Variants in EPHA6 observed in about 807,000 individuals in gnomAD.
EPHA6 encodes the protein EPH receptor A6, also known as ephrin type-A receptor 6.
In EPHA6, 50 loss-of-function variants were observed where a neutral mutation model predicts 112.0. That is an observed-to-expected ratio of 0.45 (90% confidence interval 0.36 to 0.56). The LOEUF (loss-of-function observed/expected upper bound fraction) is 0.56. Among genes scored for constraint, EPHA6 ranks in the 20% least tolerant of loss-of-function variants. EPHA6 has a pLI of 0.00. For missense variants in EPHA6, 1,280 were observed against 1,417.4 expected, an observed-to-expected ratio of 0.90 and a Z score of 1.56; for synonymous variants, 529 against 490.7, an observed-to-expected ratio of 1.08 and a Z score of -1.03.
intron 7 of EPHA6, among the ~76,000 whole-genome samples, chr3:97,450,921 G>GAC (rs1275695817): frequency 4.6e-5 from 7 of 152,048 alleles, no homozygotes; most frequent in African/African-American, 1.7e-4. Context: ...TAGTGAAGAT[G>GAC]ACTACTACTT....
chr3:97,664,197 G>C (rs1286577633), intron 14 of EPHA6, among the ~76,000 whole-genome samples: 1 of 152,084 alleles, frequency 6.6e-6, no homozygotes, highest in Non-Finnish European at 1.5e-5. Flanking sequence ...TTTTTTTCTT[G>C]TAAATTTGTT....
intron 5 of EPHA6, among the ~76,000 whole-genome samples, chr3:97,398,322 C>T (rs1259816277): frequency 6.6e-6 from 1 of 151,238 alleles, no homozygotes; most frequent in Non-Finnish European, 1.5e-5. Flanking sequence ...TTAAATCAAC[C>T]TCTAATTTAT....
chr3:97,298,235 A>G (rs9871518), intron 5 of EPHA6, among the ~76,000 whole-genome samples: 4,082 of 152,258 alleles, frequency 0.027, 189 homozygotes, highest in African/African-American at 0.092. Flanking sequence ...TTTCCCCAGA[A>G]TGGGAATTTC....
At chr3:97,431,363 G>A (rs2107233510) in intron 6 of EPHA6, among the ~76,000 whole-genome samples, 1 of 152,170 alleles carries the variant, frequency 6.6e-6, no homozygotes, top group African/African-American at 2.4e-5. Flanking sequence ...ATGAGAGAAT[G>A]TAAAATTTTA....
At chr3:97,406,015 A>G (rs1311718266) in intron 6 of EPHA6, among the ~76,000 whole-genome samples, 1 of 152,140 alleles carries the variant, frequency 6.6e-6, no homozygotes, top group Non-Finnish European at 1.5e-5. Flanking sequence ...TATTGTCTTA[A>G]TACTACTTCT....
At chr3:96,900,603 G>T (rs1279760910) in intron 2 of EPHA6, among the ~76,000 whole-genome samples, 1 of 152,166 alleles carries the variant, frequency 6.6e-6, no homozygotes, top group African/African-American at 2.4e-5. Flanking sequence ...AGAGAATACG[G>T]CTGTGACAGC....
intron 11 of EPHA6, among the ~76,000 whole-genome samples, chr3:97,549,529 A>G (rs2093001466): frequency 6.6e-6 from 1 of 152,230 alleles, no homozygotes; most frequent in Non-Finnish European, 1.5e-5. Context: ...AAACTTGAAG[A>G]AGGGCCTATA....
chr3:97,717,783 T>C (rs1289091036), intron 14 of EPHA6, among the ~76,000 whole-genome samples: 1 of 152,112 alleles, frequency 6.6e-6, no homozygotes, highest in East Asian at 1.9e-4. Context: ...ACCTTCCCCT[T>C]ACAGAAAAAA....
At chr3:97,078,546 T>G (rs1467497899) in intron 3 of EPHA6, among the ~76,000 whole-genome samples, 1 of 152,210 alleles carries the variant, frequency 6.6e-6, no homozygotes, top group Non-Finnish European at 1.5e-5. Context: ...TGTAAGTCTT[T>G]AATCCATCTT....
chr3:97,095,508 C>T (rs1175037820), intron 3 of EPHA6, among the ~76,000 whole-genome samples: 2 of 151,942 alleles, frequency 1.3e-5, no homozygotes, highest in Non-Finnish European at 2.9e-5. Context: ...CCTTCCTTTT[C>T]AAAATTATGT....
intron 14 of EPHA6, among the ~76,000 whole-genome samples, chr3:97,700,407 G>A (rs1487580980): frequency 6.6e-6 from 1 of 152,202 alleles, no homozygotes; most frequent in East Asian, 1.9e-4. Context: ...AAGTCCAGAA[G>A]TGGTAGAAGT....
intron 3 of EPHA6, among the ~76,000 whole-genome samples, chr3:97,091,151 A>T (rs1383938253): frequency 6.6e-6 from 1 of 152,092 alleles, no homozygotes; most frequent in Non-Finnish European, 1.5e-5. Context: ...ACGTTATGTG[A>T]TTTCCCATCC....
chr3:96,885,054 C>T (rs1235050181), intron 2 of EPHA6, among the ~76,000 whole-genome samples: 1 of 152,126 alleles, frequency 6.6e-6, no homozygotes, highest in African/African-American at 2.4e-5. Context: ...TAAACCATCC[C>T]TCCACCACTG....
chr3:97,473,552 C>T (rs924107811), intron 7 of EPHA6, among the ~76,000 whole-genome samples: 3 of 151,696 alleles, frequency 2.0e-5, no homozygotes, highest in African/African-American at 4.8e-5. Flanking sequence ...ACTATATGCC[C>T]CTGATTCAAA....
intron 5 of EPHA6, among the ~76,000 whole-genome samples, chr3:97,319,356 A>G (rs536423031): frequency 1.4e-4 from 22 of 151,760 alleles, no homozygotes; most frequent in Middle Eastern, 3.4e-3. Flanking sequence ...AATTGTGTAT[A>G]CTACCTTACT....
At chr3:97,488,586 A>G (rs1394590097) in intron 10 of EPHA6, among the ~76,000 whole-genome samples, 2 of 152,120 alleles carry the variant, frequency 1.3e-5, no homozygotes, top group Non-Finnish European at 2.9e-5. Flanking sequence ...TGTCTTTTAC[A>G]CTTGTGTTAT....
chr3:96,894,760 G>A (rs1277690858), intron 2 of EPHA6, among the ~76,000 whole-genome samples: 3 of 152,078 alleles, frequency 2.0e-5, no homozygotes, highest in Admixed American at 6.6e-5. Context: ...CTTATAGGTG[G>A]TTCCTGAGAA....
At chr3:97,274,322 C>T (rs1444587677) in intron 5 of EPHA6, among the ~76,000 whole-genome samples, 1 of 152,158 alleles carries the variant, frequency 6.6e-6, no homozygotes, top group Non-Finnish European at 1.5e-5. Context: ...AGCTGCTTGT[C>T]TAGCCACCTT....
rs540333045 is a variant in EPHA6, at chr3:97,198,376, C to G, written c.1115-27888C>G. Among the ~76,000 whole-genome samples, 3 of 152,214 alleles carry G rather than the reference C, an allele frequency of 2.0e-5. No individual in the cohort carries two copies. In the East Asian group the frequency reaches 5.8e-4, roughly 30 times the overall value. On this transcript the variant is annotated intron_variant, in intron 3 of 17. Coordinates refer to ENST00000389672, the MANE Select transcript of EPHA6 (RefSeq NM_001080448.3). Reference sequence around the variant, plus strand: ...GGTGCTGTTATTTATTCCTAGCATACCTTTGATTTTAGATTCAGGTTAGCT... The same window carrying G: ...GGTGCTGTTATTTATTCCTAGCATAGCTTTGATTTTAGATTCAGGTTAGCT...
Sources: allele counts gnomAD v4.1 joint callset (sites outside exome capture counted in the v4.1 genomes callset), GRCh38; gene constraint gnomAD v4.1.1; transcripts MANE v1.5; gene names NCBI Gene and HGNC (gene_info 2026-07-23, HGNC 2026-07-21).